The following SLC14A2 variants were observed in gnomAD, a reference collection of about 807,000 sequenced individuals.
SLC14A2 encodes solute carrier family 14 member 2, also known as urea transporter 2.
Under a neutral mutation model 104.6 loss-of-function variants are expected in SLC14A2, and 91 were observed. The ratio of observed to expected loss-of-function variants is 0.87; its 90% CI spans 0.73 to 1.04. The LOEUF is 1.04. Ranked by LOEUF, SLC14A2 falls within the 50% of genes least tolerant of loss-of-function variation. The probability of loss-of-function intolerance (pLI) is 0.00; values close to 1 mark genes in which losing one functional copy is unlikely to be tolerated. For synonymous variants in SLC14A2, 476 were observed against 466.4 expected (o/e 1.02, Z -0.27); for missense variants, 1,189 against 1,156.0 (o/e 1.03, Z -0.41).
intron 10 of SLC14A2, among the ~76,000 whole-genome samples, chr18:45,653,360 C>A (rs2045772793): frequency 6.6e-6 from 1 of 152,026 alleles, no homozygotes; most frequent in African/African-American, 2.4e-5. Flanking sequence ...GGGAAGGGGG[C>A]CTTTGACGTC....
At chr18:45,632,913 G>A (rs985310818) in intron 5 of SLC14A2, among the ~76,000 whole-genome samples, 22 of 152,292 alleles carry the variant, frequency 1.4e-4, no homozygotes, top group South Asian at 6.2e-4. Flanking sequence ...TCCTGACCTC[G>A]TGATCCACCT....
intron 1 of SLC14A2, among the ~76,000 whole-genome samples, chr18:45,446,407 T>G (rs979208306): frequency 3.3e-5 from 5 of 152,096 alleles, no homozygotes; most frequent in African/African-American, 1.2e-4. Flanking sequence ...TTCCACCACA[T>G]AAGAACACAG....
At chr18:45,413,269 C>T (rs66878687) in intron 1 of SLC14A2, among the ~76,000 whole-genome samples, 21,661 of 152,068 alleles carry the variant, frequency 0.14, 2,340 homozygotes, top group African/African-American at 0.3. Context: ...CGGAGAATCT[C>T]CTCCCTTTAG....
At position 45,673,830 on chromosome 18, in the gene SLC14A2, C is replaced by A. The variant is rs373272516; in HGVS notation, c.2512+13C>A. 6.2e-7 allele frequency: 1 copy of A among 1,610,618 alleles called. No individual in the cohort carries two copies. Among genetic ancestry groups the A allele is most frequent in the East Asian group, 2.2e-5 (1 of 44,750 alleles). On this transcript the variant is annotated intron_variant, in intron 18 of 19. Transcript: ENST00000255226. ...GCCATCGCCTGCGGTAGGTACTCCC[C>A]ACAGAGGATTTGTTTCCTTTATAAA...
intron 1 of SLC14A2, among the ~76,000 whole-genome samples, chr18:45,268,912 G>C (rs944199261): frequency 1.3e-5 from 2 of 151,836 alleles, no homozygotes; most frequent in African/African-American, 4.8e-5. Context: ...GTTCTGATCT[G>C]GGTGGAAAGA....
chr18:45,270,825 A>T (rs58022206), intron 1 of SLC14A2, among the ~76,000 whole-genome samples: 3 of 152,166 alleles, frequency 2.0e-5, no homozygotes, highest in African/African-American at 7.2e-5. Context: ...TGGCTAAGAG[A>T]TGGAGTTACT....
intron 1 of SLC14A2, among the ~76,000 whole-genome samples, chr18:45,436,162 C>T (rs1032751963): frequency 6.6e-6 from 1 of 152,052 alleles, no homozygotes; most frequent in East Asian, 1.9e-4. Context: ...AGTAAAATGT[C>T]CAGAATGGTG....
chr18:45,543,817 C>T (rs867874598), intron 2 of SLC14A2, among the ~76,000 whole-genome samples: 11 of 152,216 alleles, frequency 7.2e-5, no homozygotes, highest in African/African-American at 2.2e-4. Flanking sequence ...GTGTTCCCAC[C>T]GTTGCCTAAC....
At chr18:45,377,082 C>A (rs2243787) in intron 1 of SLC14A2, among the ~76,000 whole-genome samples, 79,217 of 151,932 alleles carry the variant, frequency 0.52, 24,266 homozygotes, top group African/African-American at 0.86. Context: ...TCCACTATGC[C>A]CTGATGCTAC....
At chr18:45,454,164 C>T (rs1441059693) in intron 1 of SLC14A2, among the ~76,000 whole-genome samples, 1 of 152,118 alleles carries the variant, frequency 6.6e-6, no homozygotes, top group Non-Finnish European at 1.5e-5. Flanking sequence ...AGCCCAAGTT[C>T]TGCTTTCTTG....
intron 1 of SLC14A2, among the ~76,000 whole-genome samples, chr18:45,444,782 G>A (rs923043418): frequency 3.9e-5 from 6 of 152,238 alleles, no homozygotes; most frequent in Non-Finnish European, 1.5e-5. Context: ...GGTGTGCATC[G>A]ACAGCTCTTT....
At chr18:45,466,565 G>A (rs556036950) in intron 1 of SLC14A2, among the ~76,000 whole-genome samples, 1 of 147,264 alleles carries the variant, frequency 6.8e-6, no homozygotes, top group South Asian at 2.3e-4. Context: ...ATGCATCCTA[G>A]ATAGATGGAA....
intron 2 of SLC14A2, among the ~76,000 whole-genome samples, chr18:45,576,782 T>C (rs2044424406): frequency 6.6e-6 from 1 of 152,104 alleles, no homozygotes; most frequent in Non-Finnish European, 1.5e-5. Flanking sequence ...CAACTGCCAT[T>C]GCAAGGACAG....
At position 45,475,015 on chromosome 18, in the gene SLC14A2, A is replaced by C. The variant is rs191019657; in HGVS notation, c.-124-8218A>C. Among the ~76,000 whole-genome samples, 893 of 152,282 alleles carry C rather than the reference A, an allele frequency of 5.9e-3. 3 individuals are homozygous for C. Among genetic ancestry groups the C allele is most frequent in the Non-Finnish European group, 8.6e-3 (584 of 68,020 alleles). Reference sequence around the variant, plus strand: ...TTCCCACTTTCTCCTGTGGGCATTTAATGCTATAAATTTCCCTTTAAACAC... The same window carrying C: ...TTCCCACTTTCTCCTGTGGGCATTTCATGCTATAAATTTCCCTTTAAACAC... On this transcript the variant is annotated intron_variant, in intron 1 of 20. Transcript: ENST00000586448.
At chr18:45,474,458 G>C (rs2705385) in intron 1 of SLC14A2, among the ~76,000 whole-genome samples, 31,822 of 152,110 alleles carry the variant, frequency 0.21, 3,747 homozygotes, top group Non-Finnish European at 0.27. Context: ...AGTGGTACCA[G>C]CTCCTCTTTG....
In SLC14A2 at chr18:45,683,093, C is replaced by CA. The variant is rs773895190; in HGVS notation, c.*588dup. On this transcript the variant is annotated 3_prime_UTR_variant, in exon 20 of 20. Transcript: ENST00000255226. ...TGGGCAACGGAGTGAGACTCTGTCTCAAAAAAAAAAAAAAGGGGAAGTCAC... is the reference window on the plus strand; with the variant it reads ...TGGGCAACGGAGTGAGACTCTGTCTCAAAAAAAAAAAAAAAGGGGAAGTCAC... 0.032 allele frequency: 3,152 copies of CA among 100,030 alleles called. 69 individuals carry two copies. Among genetic ancestry groups the CA allele is most frequent in the African/African-American group, 0.083 (2,325 of 27,880 alleles). 6.2% of individuals were successfully genotyped at this position (100,030 alleles called of 1,614,324 possible). A position where few individuals can be genotyped will look rare whatever the true frequency, so the allele number is the denominator to read the frequency against.
intron 1 of SLC14A2, among the ~76,000 whole-genome samples, chr18:45,364,492 G>T (rs929319838): frequency 1.3e-5 from 2 of 152,066 alleles, no homozygotes; most frequent in Non-Finnish European, 2.9e-5. Flanking sequence ...CAAATTATAA[G>T]AATTAACTTA....
At chr18:45,614,794 C>CTTTTTT (rs758644176), upstream of SLC14A2, 3 of 105,410 alleles carry the variant, frequency 2.8e-5, no homozygotes, top group Non-Finnish European at 3.9e-5. Context: ...AACTAACTTG[C>CTTTTTT]TTTTTTTTTT....
At chr18:45,627,903 G>A (rs138946673) in intron 4 of SLC14A2, among the ~76,000 whole-genome samples, 21 of 151,240 alleles carry the variant, frequency 1.4e-4, no homozygotes, top group African/African-American at 4.4e-4. Flanking sequence ...CCAGCTACTC[G>A]GAAGGCTGAG....
Sources: gnomAD v4.1 joint callset for allele counts (sites outside exome capture counted in the v4.1 genomes callset) on GRCh38, gnomAD v4.1.1 for gene constraint, MANE v1.5 for transcripts, NCBI Gene and HGNC (gene_info 2026-07-23, HGNC 2026-07-21) for gene names.